The following TLN2 variants were observed in gnomAD, a reference collection of about 807,000 sequenced individuals.
The protein encoded by TLN2 is talin-2.
Under a neutral mutation model 294.7 loss-of-function variants are expected in TLN2, and 118 were observed. The ratio of observed to expected loss-of-function variants is 0.40; its 90% confidence interval spans 0.34 to 0.47. The LOEUF (loss-of-function observed/expected upper bound fraction) is 0.47, where lower values mean the gene tolerates loss of function less well. Ranked by LOEUF, TLN2 falls within the 20% of genes least tolerant of loss-of-function variation. TLN2 has a pLI of 0.84. For synonymous variants in TLN2, 1,431 were observed against 1,304.5 expected, an observed-to-expected ratio of 1.10 and a Z score of -2.09; for missense variants, 3,083 against 3,282.2, an observed-to-expected ratio of 0.94 and a Z score of 1.48.
intron 33 of TLN2, among the ~76,000 whole-genome samples, chr15:62,749,053 A>G (rs1177874780): frequency 1.3e-5 from 2 of 152,248 alleles, no homozygotes; most frequent in Non-Finnish European, 2.9e-5. Context: ...GTGGGTAAAC[A>G]TAAAATCAGT....
At chr15:62,662,230 T>C (rs546611895) in intron 9 of TLN2, among the ~76,000 whole-genome samples, 90 of 151,836 alleles carry the variant, frequency 5.9e-4, no homozygotes, top group Admixed American at 1.4e-3. Flanking sequence ...TAAAAAGCAG[T>C]TGAGAATGTG....
At chr15:62,747,055 A>G (rs912354872) in intron 32 of TLN2, among the ~76,000 whole-genome samples, 1 of 152,196 alleles carries the variant, frequency 6.6e-6, no homozygotes, top group African/African-American at 2.4e-5. Flanking sequence ...TGGGGCTGGA[A>G]CTATGGGGCT....
At chr15:62,765,511 G>A (rs865955297) in intron 40 of TLN2, among the ~76,000 whole-genome samples, 1 of 152,102 alleles carries the variant, frequency 6.6e-6, no homozygotes, top group Non-Finnish European at 1.5e-5. Context: ...TTCCATGCTG[G>A]TGTGTGCAGA....
At chr15:62,528,644 C>A (rs1300814779) in intron 1 of TLN2, among the ~76,000 whole-genome samples, 1 of 149,628 alleles carries the variant, frequency 6.7e-6, no homozygotes, top group African/African-American at 2.5e-5. Flanking sequence ...TTATTGACAG[C>A]CCTTCTTGAG....
chr15:62,810,129 G>A, intron 52 of TLN2, 97 bp downstream of exon 52: 1 of 1,010,646 alleles, frequency 9.9e-7, no homozygotes, highest in Non-Finnish European at 1.5e-6. Flanking sequence ...ACCTCTCTCA[G>A]AGCCCTGTCC....
chr15:62,521,060 T>G (rs2040433110), intron 1 of TLN2, among the ~76,000 whole-genome samples: 1 of 152,206 alleles, frequency 6.6e-6, no homozygotes, highest in Non-Finnish European at 1.5e-5. Flanking sequence ...ACAGTGTCAT[T>G]CCTTTGTCCC....
At chr15:62,777,773 G>A (rs1353572862) in intron 43 of TLN2, among the ~76,000 whole-genome samples, 1 of 152,188 alleles carries the variant, frequency 6.6e-6, no homozygotes, top group Non-Finnish European at 1.5e-5. Context: ...ACATGTAAGA[G>A]AACATGAGTA....
intron 1 of TLN2, among the ~76,000 whole-genome samples, chr15:62,421,735 T>A (rs989816651): frequency 3.3e-5 from 5 of 152,044 alleles, no homozygotes; most frequent in African/African-American, 1.2e-4. Flanking sequence ...ATGCTGCGGT[T>A]ATGAAATAGT....
chr15:62,417,634 G>C lies in TLN2; in HGVS notation c.-238+26949G>C, dbSNP rs192478109. The stretch of plus-strand genomic sequence containing the variant: ...CATACTTTGCATCTGAGTTCAGGAA[G>C]AACTGAATCGAGTCTGCAAGGAGGT... On this transcript the variant is annotated intron_variant, in intron 1 of 58. Transcript: ENST00000636159. 3.1e-3 allele frequency among the ~76,000 whole-genome samples: 466 copies of C among 152,316 alleles called. 3 individuals are homozygous for C. Among genetic ancestry groups the C allele is most frequent in the Non-Finnish European group, 5.0e-3 (340 of 68,034 alleles).
At chr15:62,817,597 C>T (rs952913338) in intron 52 of TLN2, among the ~76,000 whole-genome samples, 5 of 152,046 alleles carry the variant, frequency 3.3e-5, no homozygotes, top group Non-Finnish European at 5.9e-5. Flanking sequence ...CCCATTGACT[C>T]CTCTCATCGG....
intron 1 of TLN2, 56 bp from the exon 2 acceptor site, chr15:62,589,627 AGATT>A (rs2045928943): frequency 6.6e-6 from 1 of 152,186 alleles, no homozygotes. Context: ...CCAAATGTAT[AGATT>A]GAGATTCTTT....
chr15:62,588,638 A>C (rs2045824545), intron 1 of TLN2, among the ~76,000 whole-genome samples: 1 of 141,690 alleles, frequency 7.1e-6, no homozygotes, highest in Non-Finnish European at 1.5e-5. Flanking sequence ...ATCTTAAAAA[A>C]AAATACATAT....
intron 27 of TLN2, among the ~76,000 whole-genome samples, chr15:62,725,533 G>A (rs188542371): frequency 1.2e-4 from 19 of 152,270 alleles, no homozygotes; most frequent in East Asian, 3.9e-4. Context: ...TACTGTGGTC[G>A]TATTACCACA....
chr15:62,509,790 C>T (rs773957966), intron 1 of TLN2, among the ~76,000 whole-genome samples: 5 of 152,160 alleles, frequency 3.3e-5, no homozygotes, highest in Non-Finnish European at 7.4e-5. Flanking sequence ...CCTGAGCCAC[C>T]TCCCACTTCC....
rs2271802 is a variant in TLN2 at position 62,800,159 on chromosome 15, T to C, written c.6235-209T>C. 3.9e-5 allele frequency among the ~76,000 whole-genome samples: 6 copies of C among 152,336 alleles called. No individual in the cohort carries two copies. In the East Asian group the frequency reaches 9.7e-4, roughly 25 times the overall value. ...CCTGACTTCTCCGTTCTGGCTCAGC[T>C]TCAGCCTCCCCTGGGCAGCTTTTCA... On this transcript the variant is annotated intron_variant, in intron 48 of 58. Transcript: ENST00000636159.
chr15:62,598,451 C>T (rs1208043946), intron 2 of TLN2, among the ~76,000 whole-genome samples: 2 of 152,068 alleles, frequency 1.3e-5, no homozygotes, highest in Non-Finnish European at 2.9e-5. Flanking sequence ...TGGCCAGGAG[C>T]TCATTCTAAA....
Position 62,762,445 on chromosome 15 carries a change from T to A in TLN2, c.4953T>A (p.Thr1651=). Residue 1651 remains threonine (T), a synonymous_variant, in exon 39 of 59, where the codon ACT becomes ACA. Transcript: ENST00000636159. ...CCGACTCCATCAAGAGTCTCATCAC[T>A]TCTATCAGGTCAGTTTCCCATCCGG... is the stretch of plus-strand genomic sequence containing the variant. ...TVSDSIKSLI[T]SIRDKAPGQR... The A allele has an allele frequency of 6.2e-7, 1 of 1,613,872 alleles. No individual in the cohort carries two copies.
At chr15:62,458,072 G>A (rs556085458) in intron 1 of TLN2, among the ~76,000 whole-genome samples, 1 of 152,190 alleles carries the variant, frequency 6.6e-6, no homozygotes, top group Non-Finnish European at 1.5e-5. Flanking sequence ...GGGCCTTGGC[G>A]TCCCTTTCCT....
chr15:62,539,796 C>G (rs1051412667), intron 1 of TLN2, among the ~76,000 whole-genome samples: 1 of 151,798 alleles, frequency 6.6e-6, no homozygotes, highest in African/African-American at 2.4e-5. Flanking sequence ...ATCATCTACC[C>G]TTTTGTTTGC....
Sources: allele counts gnomAD v4.1 joint callset (sites outside exome capture counted in the v4.1 genomes callset), GRCh38; gene constraint gnomAD v4.1.1; transcripts MANE v1.5; gene names NCBI Gene and HGNC (gene_info 2026-07-23, HGNC 2026-07-21).